SSBP4: variants seen among roughly 807,000 people sequenced by gnomAD.
The protein encoded by SSBP4 is single stranded DNA binding protein 4.
SSBP4 carries 33 observed loss-of-function variants against 64.6 expected under a neutral mutation model. The ratio of observed to expected loss-of-function variants is 0.51; its 90% CI spans 0.39 to 0.68. SSBP4 has a LOEUF of 0.68. Among genes scored for constraint, SSBP4 ranks in the 30% least tolerant of loss-of-function variants. SSBP4 has a pLI of 0.00. For synonymous variants in SSBP4, 243 were observed against 224.0 expected (o/e 1.08, Z -0.76); for missense variants, 583 against 566.8 (o/e 1.03, Z -0.29).
Position 18,433,742 on chromosome 19 carries a change from C to G in SSBP4, c.1053C>G (p.Asn351Lys). Residue 351 changes from asparagine to lysine, a missense_variant, in exon 17 of 18, where the codon AAC becomes AAG. Transcript: ENST00000270061. ...CCGGCGCCGTGGCCGGCCTGAGCAA[C>G]GCCCCGGGCACCCCGCGGGACGACG... is the stretch of plus-strand genomic sequence containing the variant. ...SSPGAVAGLS[N>K]APGTPRDDGE... is the part of the protein sequence containing the mutation. 7.0e-7 allele frequency: 1 copy of G among 1,433,580 alleles called. No homozygotes were observed. The highest frequency in any genetic ancestry group is 1.5e-5 in the African/African-American group (1 of 66,216). 88.8% of individuals were successfully genotyped at this position (1,433,580 alleles called of 1,614,324 possible). A position where few individuals can be genotyped will look rare whatever the true frequency, so the allele number is the denominator to read the frequency against.
chr19:18,411,975 G>C, the SSBP4 span, among the ~76,000 whole-genome samples: 1 of 152,014 alleles, frequency 6.6e-6, no homozygotes, highest in Non-Finnish European at 1.5e-5. Context: ...ACCAACCTGG[G>C]AAACAAAGTC....
Position 18,431,344 on chromosome 19 carries a change from TCCTCCTAGGGC to T in SSBP4, c.370-6_374del. 3.6e-6 allele frequency: 2 copies of T among 559,370 alleles called. No homozygotes were observed. Among genetic ancestry groups the T allele is most frequent in the Non-Finnish European group, 6.1e-6 (2 of 327,646 alleles). The allele number at this position is 559,370 out of a possible 1,614,324, so 34.7% of individuals were successfully genotyped here. On this transcript the variant is annotated splice_acceptor_variant and splice_polypyrimidine_tract_variant and coding_sequence_variant and intron_variant, in exon 6 of 18. Coordinates refer to ENST00000270061, the MANE Select transcript of SSBP4 (RefSeq NM_032627.5). LOFTEE classifies it high-confidence loss of function. ...ACTCCCCCCCACCCACCTGGTTCTG[TCCTCCTAGGGC>T]CCCCCCGGCTCCCAGCCGTCCCCCC...
chr19:18,427,961 G>C lies in SSBP4; in HGVS notation c.258G>C (p.Glu86Asp), dbSNP rs1174788929. ...DRREACEHSG[E>D]AKAFQDYSAA... ...GAGAGGCCTGCGAGCACTCCGGCGA[G>C]GCCAAGGCCTTCCAGGACTATGTGA... Residue 86 changes from glutamate (E) to aspartate (D), a missense_variant, in exon 4 of 18, where the codon GAG (glutamate) becomes GAC (aspartate). Around this residue, in one of 5 missense-constraint regions of SSBP4, gnomAD observed 444 missense variants for 386.6 expected, o/e 1.15. Transcript: ENST00000270061. The surrounding 1 kb of genome is among the most constrained non-coding windows in gnomAD (Gnocchi z 4.4). The C allele has an allele frequency of 6.2e-7, 1 of 1,612,638 alleles. No individual in the cohort carries two copies. Among genetic ancestry groups the C allele is most frequent in the Non-Finnish European group, 8.5e-7 (1 of 1,179,806 alleles).
chr19:18,421,732 G>T (rs1972479850), intron 1 of SSBP4, among the ~76,000 whole-genome samples: 1 of 152,246 alleles, frequency 6.6e-6, no homozygotes, highest in African/African-American at 2.4e-5. Context: ...GAGGCAGCCT[G>T]CAAGAGTGCC....
chr19:18,406,957 G>A, the SSBP4 span, among the ~76,000 whole-genome samples: 46,549 of 152,046 alleles, frequency 0.31, 7,388 homozygotes, highest in African/African-American at 0.4. Flanking sequence ...ACACTTCCAA[G>A]CTGTGTGACC....
Position 18,431,843 on chromosome 19 carries a change from G to A in SSBP4, c.546G>A (p.Glu182=). The change falls in exon 8 of 18, where the codon GAG becomes GAA. Residue 182 remains glutamate, a synonymous_variant. Coordinates refer to ENST00000270061, the MANE Select transcript of SSBP4 (RefSeq NM_032627.5). The part of the protein sequence containing the change: ...GSQPLLPGAM[E]PSPRAQGHPS... Reference sequence around the variant, plus strand: ...AGCCCCTCCTCCCTGGCGCCATGGAGCCCTCCCCACGAGCCCAGGGTGAGT... The same window carrying A: ...AGCCCCTCCTCCCTGGCGCCATGGAACCCTCCCCACGAGCCCAGGGTGAGT... 1 of 1,572,342 alleles carries A rather than the reference G, an allele frequency of 6.4e-7. No homozygotes were observed. Among genetic ancestry groups the A allele is most frequent in the Non-Finnish European group, 8.6e-7 (1 of 1,158,110 alleles).
At chr19:18,417,466 A>G (rs139696495), upstream of SSBP4, among the ~76,000 whole-genome samples, 1,036 of 152,252 alleles carry the variant, frequency 6.8e-3, 13 homozygotes, top group African/African-American at 0.024. This position sits in a 1 kb window ranked among gnomAD's most constrained non-coding sequence, Gnocchi z 5.4. Context: ...GCCGGTTGTC[A>G]CCAAGGCTCT....
Position 18,432,722 on chromosome 19 carries a change from C to G in SSBP4, c.773C>G (p.Pro258Arg). 6.3e-7 allele frequency: 1 copy of G among 1,587,412 alleles called. No homozygotes were observed. The highest frequency in any genetic ancestry group is 1.7e-4 in the Middle Eastern group (1 of 5,950). The change falls in exon 12 of 18, where the codon CCC becomes CGC. Residue 258 changes from proline to arginine, a missense_variant. Physicochemically the swap from Pro to Arg is moderately radical, Grantham distance 103. Coordinates refer to ENST00000270061, the MANE Select transcript of SSBP4 (RefSeq NM_032627.5). The part of the protein sequence containing the change: ...GNSIPYSSSS[P>R]GSYTGPPGGG... ...CAGATCCCCTACTCCTCCTCATCCC[C>G]CGGCAGCTACACCGTAAGTCTGAGC...
At chr19:18,420,032 G>C (rs1295719878) in intron 1 of SSBP4, 1 of 159,796 alleles carries the variant, frequency 6.3e-6, no homozygotes, top group Non-Finnish European at 1.4e-5. Context: ...CGCGAGATTT[G>C]AGGGGGCGCG....
rs980917963 is a variant in SSBP4, at chr19:18,423,699, T to C, written c.60-3652T>C. On this transcript the variant is annotated intron_variant, in intron 1 of 17. Transcript: ENST00000270061. This position sits in a 1 kb window ranked among gnomAD's most constrained non-coding sequence, Gnocchi z 4.0. ...GGCTCTGCTTCCCTGCACAGCCTCA[T>C]GCTCGCTCCAGGTCCAGGCGCCCCA... Among the ~76,000 whole-genome samples, 1 of 152,178 alleles carries C rather than the reference T, an allele frequency of 6.6e-6. No individual in the cohort carries two copies. Among genetic ancestry groups the C allele is most frequent in the African/African-American group, 2.4e-5 (1 of 41,440 alleles).
At chr19:18,433,505 G>C in intron 15 of SSBP4, 80 bp from the exon 16 acceptor site, 2 of 1,526,328 alleles carry the variant, frequency 1.3e-6, no homozygotes, top group Non-Finnish European at 1.8e-6. Flanking sequence ...GGCAGCTTGC[G>C]AGGGTCGTTG....
chr19:18,431,286 C>T, intron 5 of SSBP4, 67 bp from the exon 6 acceptor site: 2 of 622,990 alleles, frequency 3.2e-6, no homozygotes, highest in Non-Finnish European at 5.8e-6. Context: ...CCATGGAGCC[C>T]CTCCCCTCCT....
At chr19:18,407,957 C>T in the SSBP4 span, among the ~76,000 whole-genome samples, 7 of 152,162 alleles carry the variant, frequency 4.6e-5, no homozygotes, top group African/African-American at 1.7e-4. Context: ...ATTGCCCAGA[C>T]TGGTCTCAAA....
rs553404535 is a variant in SSBP4 at position 18,427,269 on chromosome 19, G to T, written c.60-82G>T. On this transcript the variant is annotated intron_variant, in intron 1 of 17. Transcript: ENST00000270061. The surrounding 1 kb of genome is among the most constrained non-coding windows in gnomAD (Gnocchi z 4.4). ...TGGTGGGGAGGCCACCTTTCCACCC[G>T]CCCTCCTGAGAGATGGAGGGGCTTT... 1.4e-6 allele frequency: 2 copies of T among 1,461,488 alleles called. No homozygotes were observed. The highest frequency in any genetic ancestry group is 1.4e-5 in the African/African-American group (1 of 72,208). The allele number at this position is 1,461,488 out of a possible 1,614,324, so 90.5% of individuals were successfully genotyped here. A position where few individuals can be genotyped will look rare whatever the true frequency, so the allele number is the denominator to read the frequency against.
Position 18,433,127 on chromosome 19 carries a change from G to A in SSBP4, c.913-8G>A. The A allele has an allele frequency of 6.2e-7, 1 of 1,610,600 alleles. No homozygotes were observed. On this transcript the variant is annotated splice_region_variant and splice_polypyrimidine_tract_variant and intron_variant, in intron 14 of 17. Coordinates refer to ENST00000270061, the MANE Select transcript of SSBP4 (RefSeq NM_032627.5). ...GGCCCGAGTCCCACGCTGTCCCCAT[G>A]CCCGCAGTTCCCGCTCGGCCCTGGC...
At position 18,419,665 on chromosome 19, in the gene SSBP4, G is replaced by A; in HGVS notation, c.17G>A (p.Gly6Asp). 4.0e-6 allele frequency: 5 copies of A among 1,239,040 alleles called. No individual in the cohort carries two copies. The highest frequency in any genetic ancestry group is 5.1e-6 in the Non-Finnish European group (5 of 986,072). 76.8% of individuals were successfully genotyped at this position (1,239,040 alleles called of 1,614,324 possible). MYAKG[G>D]KGSAVPSDSQ... ...TGGAGCAGCATGTACGCCAAGGGGG[G>A]CAAGGGTTCGGCCGTGCCCTCCGAC... Residue 6 changes from glycine (G) to aspartate (D), a missense_variant, in exon 1 of 18, where the codon GGC becomes GAC. Gly to Asp is a moderately conservative substitution (Grantham distance 94, BLOSUM62 -1). Transcript: ENST00000270061.
At chr19:18,431,247 G>T (rs1241977892) in intron 5 of SSBP4, 106 bp from the exon 6 acceptor site, 3 of 617,980 alleles carry the variant, frequency 4.9e-6, no homozygotes, top group African/African-American at 1.9e-5. Context: ...CAAGGTCCCT[G>T]TCCCACAGGC....
chr19:18,431,515 G>C, intron 6 of SSBP4, 97 bp downstream of exon 6: 2 of 1,339,858 alleles, frequency 1.5e-6, no homozygotes, highest in Non-Finnish European at 1.0e-6. Context: ...GCTGGTGCCA[G>C]CTGGCCGGGC....
upstream of SSBP4, among the ~76,000 whole-genome samples, chr19:18,416,204 G>T (rs895349942): frequency 5.3e-5 from 8 of 152,082 alleles, no homozygotes; most frequent in Admixed American, 5.2e-4. Flanking sequence ...GAGTAGAGAG[G>T]GGGTTTCACC....
Sources: allele counts gnomAD v4.1 joint callset (sites outside exome capture counted in the v4.1 genomes callset), GRCh38; gene constraint gnomAD v4.1.1; regional missense constraint gnomAD v4.1.1; non-coding constraint Gnocchi (gnomAD v3.1); transcripts MANE v1.5; gene names NCBI Gene and HGNC (gene_info 2026-07-23, HGNC 2026-07-21).